Variants in SKAP1 observed in about 807,000 individuals in gnomAD.
SKAP1 encodes the protein src kinase-associated phosphoprotein 1.
A neutral mutation model predicts 58.5 loss-of-function variants in SKAP1; 44 were observed. That is an observed-to-expected ratio of 0.75 (90% CI 0.59 to 0.97). The LOEUF is 0.97. Ranked by LOEUF, SKAP1 falls within the 50% of genes least tolerant of loss-of-function variation. SKAP1 has a pLI of 0.00. For synonymous variants in SKAP1, 127 were observed against 149.7 expected, an observed-to-expected ratio of 0.85 and a Z score of 1.11; for missense variants, 390 against 435.2, an observed-to-expected ratio of 0.90 and a Z score of 0.92.
At chr17:48,432,645 T>G (rs1158918938), upstream of SKAP1, among the ~76,000 whole-genome samples, 2 of 152,018 alleles carry the variant, frequency 1.3e-5, no homozygotes, top group Non-Finnish European at 2.9e-5. Context: ...TCATCTCAAT[T>G]TTTTTTTGGT....
intron 4 of SKAP1, among the ~76,000 whole-genome samples, chr17:48,224,518 T>C (rs1377818080): frequency 1.3e-5 from 2 of 152,236 alleles, no homozygotes; most frequent in African/African-American, 4.8e-5. Context: ...GCTCTACAAC[T>C]ATTCTTCTAT....
At chr17:48,140,411 G>T in intron 11 of SKAP1, among the ~76,000 whole-genome samples, 1 of 151,960 alleles carries the variant, frequency 6.6e-6, no homozygotes, top group African/African-American at 2.4e-5. Context: ...GCTTTTTAAT[G>T]TGGTTGTTTT....
intron 4 of SKAP1, among the ~76,000 whole-genome samples, chr17:48,266,948 G>T (rs1453974018): frequency 6.6e-6 from 1 of 152,066 alleles, no homozygotes; most frequent in African/African-American, 2.4e-5. Context: ...TTCTTTCTGT[G>T]ACTAGACTAA....
intron 4 of SKAP1, among the ~76,000 whole-genome samples, chr17:48,320,600 T>C (rs1011574503): frequency 5.3e-5 from 8 of 152,122 alleles, no homozygotes; most frequent in East Asian, 3.8e-4. Flanking sequence ...AAAAAAATCA[T>C]ACAAGTTTTT....
At chr17:48,186,695 C>T (rs2064458836) in intron 6 of SKAP1, among the ~76,000 whole-genome samples, 1 of 151,136 alleles carries the variant, frequency 6.6e-6, no homozygotes, top group Non-Finnish European at 1.5e-5. Flanking sequence ...TGGTCTTGAA[C>T]TCCTGACCTC....
intron 9 of SKAP1, among the ~76,000 whole-genome samples, chr17:48,171,585 G>C (rs1201129366): frequency 2.6e-5 from 4 of 152,148 alleles, no homozygotes; most frequent in Admixed American, 6.5e-5. Context: ...GGAGCTTCCA[G>C]TCCATTGGAT....
the SKAP1 span, among the ~76,000 whole-genome samples, chr17:48,440,775 G>A: frequency 2.6e-5 from 4 of 152,214 alleles, no homozygotes; most frequent in Non-Finnish European, 5.9e-5. Context: ...AAGGCTCACT[G>A]TGGGAGAGGC....
intron 6 of SKAP1, among the ~76,000 whole-genome samples, chr17:48,186,365 G>A (rs1226018792): frequency 1.3e-5 from 2 of 152,176 alleles, no homozygotes; most frequent in African/African-American, 4.8e-5. Context: ...TGAAAGGTAG[G>A]CAAAGGTCTG....
At chr17:48,365,848 C>T (rs1186777355) in intron 2 of SKAP1, among the ~76,000 whole-genome samples, 2 of 151,016 alleles carry the variant, frequency 1.3e-5, no homozygotes, top group African/African-American at 4.9e-5. Context: ...GCAGGGGTGC[C>T]CAAGGGAGAG....
intron 1 of SKAP1, among the ~76,000 whole-genome samples, chr17:48,415,818 C>T (rs1257857311): frequency 1.3e-5 from 2 of 152,056 alleles, no homozygotes; most frequent in Non-Finnish European, 2.9e-5. Context: ...GAGTCATTCC[C>T]CAGTCACAAG....
At chr17:48,142,407 A>C (rs2063779252) in intron 11 of SKAP1, among the ~76,000 whole-genome samples, 1 of 152,220 alleles carries the variant, frequency 6.6e-6, no homozygotes, top group Non-Finnish European at 1.5e-5. Flanking sequence ...GGTTGCGGTG[A>C]GCCAAGATCA....
intron 1 of SKAP1, among the ~76,000 whole-genome samples, chr17:48,405,218 C>A (rs1367101220): frequency 6.6e-6 from 1 of 151,866 alleles, no homozygotes; most frequent in African/African-American, 2.4e-5. Flanking sequence ...TTTCTAGTAG[C>A]CTCATTTAAA....
intron 4 of SKAP1, among the ~76,000 whole-genome samples, chr17:48,275,772 G>A (rs7225998): frequency 0.33 from 50,209 of 152,004 alleles, 9,011 homozygotes; most frequent in African/African-American, 0.47. Context: ...GCTGCTATGA[G>A]TATCATCACC....
Position 48,194,770 on chromosome 17 carries a change from T to C in SKAP1, c.281-5270A>G, listed in dbSNP as rs150406253. ...CTCCCATCCTCCCTCTTCCTTTTAATTCAAGTTCTTTTCAACTGTTTAAAA... is the reference window on the plus strand; with the variant it reads ...CTCCCATCCTCCCTCTTCCTTTTAACTCAAGTTCTTTTCAACTGTTTAAAA... On this transcript the variant is annotated intron_variant, in intron 4 of 12. Coordinates refer to ENST00000336915, the MANE Select transcript of SKAP1 (RefSeq NM_003726.4). 1.3e-4 allele frequency among the ~76,000 whole-genome samples: 20 copies of C among 152,366 alleles called. No homozygotes were observed. The East Asian group carries it at 3.9e-3, about 29-fold the overall frequency.
At chr17:48,229,252 G>C (rs1156282052) in intron 4 of SKAP1, among the ~76,000 whole-genome samples, 2 of 152,134 alleles carry the variant, frequency 1.3e-5, no homozygotes, top group Non-Finnish European at 2.9e-5. Flanking sequence ...TGGAAATAAA[G>C]CAAGAGAATG....
intron 4 of SKAP1, among the ~76,000 whole-genome samples, chr17:48,250,145 AC>A (rs2065344862): frequency 6.7e-6 from 1 of 149,670 alleles, no homozygotes; most frequent in Admixed American, 6.6e-5. Flanking sequence ...ATGACTCCAA[AC>A]TGTTATAATC....
At chr17:48,134,702 T>G (rs2063677673) in intron 12 of SKAP1, among the ~76,000 whole-genome samples, 1 of 151,912 alleles carries the variant, frequency 6.6e-6, no homozygotes, top group African/African-American at 2.4e-5. Context: ...GTGAATTTGT[T>G]TTTTATTTTT....
At chr17:48,417,703 C>T (rs941014248) in intron 1 of SKAP1, among the ~76,000 whole-genome samples, 12 of 150,338 alleles carry the variant, frequency 8.0e-5, no homozygotes, top group African/African-American at 2.7e-4. Context: ...TGAGATTGTG[C>T]CATTTCACTA....
At chr17:48,431,777 A>G (rs2067918528), upstream of SKAP1, among the ~76,000 whole-genome samples, 1 of 152,188 alleles carries the variant, frequency 6.6e-6, no homozygotes, top group African/African-American at 2.4e-5. Context: ...AGTGGTGGGA[A>G]AAGACACAGG....
Sources: gnomAD v4.1 joint callset for allele counts (sites outside exome capture counted in the v4.1 genomes callset) on GRCh38, gnomAD v4.1.1 for gene constraint, MANE v1.5 for transcripts, NCBI Gene and HGNC (gene_info 2026-07-23, HGNC 2026-07-21) for gene names.